Variants in ESR1 observed in about 807,000 individuals in gnomAD.
The protein encoded by ESR1 is estrogen receptor 1.
ESR1 carries 12 observed loss-of-function variants against 52.7 expected under a neutral mutation model. That is an observed-to-expected ratio of 0.23 (90% CI 0.15 to 0.37). The LOEUF is 0.37. Ranked by LOEUF, ESR1 falls within the 10% of genes least tolerant of loss-of-function variation. The pLI is 1.00. For missense variants in ESR1, 584 were observed against 779.7 expected (o/e 0.75, Z 2.99); for synonymous variants, 305 against 316.8 (o/e 0.96, Z 0.39).
intron 2 of ESR1, among the ~76,000 whole-genome samples, chr6:151,746,417 T>C (rs1783487564): frequency 6.6e-6 from 1 of 152,228 alleles, no homozygotes; most frequent in Admixed American, 6.5e-5. Flanking sequence ...AGTGATTGTC[T>C]TAAATGAGTC....
intron 5 of ESR1, among the ~76,000 whole-genome samples, chr6:152,056,104 T>C (rs2047080119): frequency 6.6e-6 from 1 of 152,220 alleles, no homozygotes; most frequent in Non-Finnish European, 1.5e-5. Context: ...ACTTTCATTT[T>C]AAAATTTTCA....
chr6:152,069,859 G>A (rs1022394237), intron 6 of ESR1, among the ~76,000 whole-genome samples: 1 of 137,566 alleles, frequency 7.3e-6, no homozygotes, highest in Non-Finnish European at 1.5e-5. Context: ...GGCAGCTGGG[G>A]ACCTCTGGGC....
In ESR1 at chr6:151,899,294, C is replaced by T. The variant is rs1231011646; in HGVS notation, c.760+18523C>T. Among the ~76,000 whole-genome samples, 40 of 118,488 alleles carry T rather than the reference C, an allele frequency of 3.4e-4. 1 individual carries two copies. Among genetic ancestry groups the T allele is most frequent in the Middle Eastern group, 6.0e-3 (1 of 166 alleles). The allele number at this position is 118,488 out of a possible 152,430, so 77.7% of individuals were successfully genotyped here. A position where few individuals can be genotyped will look rare whatever the true frequency, so the allele number is the denominator to read the frequency against. On this transcript the variant is annotated intron_variant, in intron 3 of 7. Coordinates refer to ENST00000206249, the MANE Select transcript of ESR1 (RefSeq NM_000125.4). ...CTCCCGGACGGGGCGGCTGGCCGGG[C>T]GGGGGGCTGACCCCCCCACCTCCCT...
chr6:151,981,979 G>C (rs558884339), intron 4 of ESR1, among the ~76,000 whole-genome samples: 33 of 152,330 alleles, frequency 2.2e-4, no homozygotes, highest in African/African-American at 7.7e-4. Flanking sequence ...CCTCTACATA[G>C]TGTTAAACTT....
In ESR1 at chr6:151,849,981, TATATA is replaced by T. The variant is rs1786018625; in HGVS notation, c.643+7195_643+7199del. Among the ~76,000 whole-genome samples, 4 of 6,408 alleles carry T rather than the reference TATATA, an allele frequency of 6.2e-4. No homozygotes were observed. The South Asian group carries it at 9.2e-3, about 15-fold the overall frequency. 4.2% of individuals were successfully genotyped at this position (6,408 alleles called of 152,430 possible). On this transcript the variant is annotated intron_variant, in intron 2 of 7. Coordinates refer to ENST00000206249, the MANE Select transcript of ESR1 (RefSeq NM_000125.4). ...TTCCACCTAGTTTCCTAGGGAATTATATATATATATATATATATATATATAATTTT... is the reference window on the plus strand; with the variant it reads ...TTCCACCTAGTTTCCTAGGGAATTATTATATATATATATATATATAATTTT...
In ESR1 at chr6:151,899,137, G is replaced by A. The variant is rs867516325; in HGVS notation, c.760+18366G>A. On this transcript the variant is annotated intron_variant, in intron 3 of 7. Transcript: ENST00000206249. ...GGCCGGGCGGGGGGCTGACCCCCCC[G>A]CCTCCCTCCCGGACGGGGCGGCTGG... Among the ~76,000 whole-genome samples, 677 of 91,736 alleles carry A rather than the reference G, an allele frequency of 7.4e-3. 33 individuals are homozygous for A. In the East Asian group the frequency reaches 0.16, roughly 22 times the overall value. The allele number at this position is 91,736 out of a possible 152,430, so 60.2% of individuals were successfully genotyped here.
chr6:151,661,290 AG>A, intron 1 of ESR1, among the ~76,000 whole-genome samples: 1 of 152,190 alleles, frequency 6.6e-6, no homozygotes, highest in Non-Finnish European at 1.5e-5. Flanking sequence ...AGGAGATGAA[AG>A]TGGGAAGTGG....
intron 3 of ESR1, among the ~76,000 whole-genome samples, chr6:151,912,478 T>G (rs1456266234): frequency 1.3e-5 from 2 of 152,306 alleles, no homozygotes; most frequent in East Asian, 3.9e-4. Flanking sequence ...ATCCATATTG[T>G]TTTATGGAAC....
At chr6:151,811,347 T>C (rs924796951) in intron 1 of ESR1, 1 of 152,194 alleles carries the variant, frequency 6.6e-6, no homozygotes, top group Non-Finnish European at 1.5e-5. Context: ...TCAAACAACT[T>C]AGGAACTTTG....
At chr6:151,962,267 C>G (rs547166398) in intron 4 of ESR1, among the ~76,000 whole-genome samples, 1 of 152,172 alleles carries the variant, frequency 6.6e-6, no homozygotes, top group East Asian at 1.9e-4. Context: ...TTATTCTTAT[C>G]CTGAGGCCCT....
At chr6:152,024,485 C>G (rs557184873) in intron 5 of ESR1, among the ~76,000 whole-genome samples, 1 of 151,570 alleles carries the variant, frequency 6.6e-6, no homozygotes, top group Admixed American at 6.6e-5. Flanking sequence ...ATCTCCATGA[C>G]ATTAAGTCTT....
chr6:151,832,383 T>C (rs1024558840), intron 1 of ESR1, among the ~76,000 whole-genome samples: 3 of 152,246 alleles, frequency 2.0e-5, no homozygotes, highest in Non-Finnish European at 4.4e-5. Flanking sequence ...AACATACATT[T>C]ACTTTTGTGG....
At chr6:152,040,087 A>G (rs1427131907) in intron 5 of ESR1, among the ~76,000 whole-genome samples, 1 of 152,228 alleles carries the variant, frequency 6.6e-6, no homozygotes, top group East Asian at 1.9e-4. Context: ...GAAGAGGTTC[A>G]GTATAATCAA....
intron 5 of ESR1, among the ~76,000 whole-genome samples, chr6:152,023,544 A>C: frequency 6.6e-6 from 1 of 152,350 alleles, no homozygotes; most frequent in South Asian, 2.1e-4. Context: ...TGCCATTCTC[A>C]TACCAAATAA....
At chr6:151,979,101 ACTTTTT>A (rs2039740664) in intron 4 of ESR1, among the ~76,000 whole-genome samples, 1 of 152,100 alleles carries the variant, frequency 6.6e-6, no homozygotes, top group African/African-American at 2.4e-5. Flanking sequence ...TTGTGTCCAA[ACTTTTT>A]CTTCTTTCAA....
At chr6:151,692,550 G>A (rs1779028437) in intron 1 of ESR1, among the ~76,000 whole-genome samples, 1 of 152,168 alleles carries the variant, frequency 6.6e-6, no homozygotes, top group Non-Finnish European at 1.5e-5. Context: ...CTTCATCTAT[G>A]GCAGTGGAGA....
chr6:152,039,463 G>A (rs920051170), intron 5 of ESR1, among the ~76,000 whole-genome samples: 7 of 152,044 alleles, frequency 4.6e-5, no homozygotes, highest in African/African-American at 1.7e-4. Context: ...GGAGGAGCCC[G>A]AGATTGCAAT....
intron 2 of ESR1, among the ~76,000 whole-genome samples, chr6:151,781,731 T>C (rs1326689814): frequency 6.6e-6 from 1 of 152,222 alleles, no homozygotes; most frequent in Non-Finnish European, 1.5e-5. Context: ...TAACATTTTA[T>C]TTAATGAGGC....
chr6:151,903,500 G>T lies in ESR1; in HGVS notation c.760+22729G>T, dbSNP rs574541154. Among the ~76,000 whole-genome samples, 3 of 152,208 alleles carry T rather than the reference G, an allele frequency of 2.0e-5. No homozygotes were observed. In the East Asian group the frequency reaches 5.8e-4, roughly 29 times the overall value. On this transcript the variant is annotated intron_variant, in intron 3 of 7. Transcript: ENST00000206249. ...GCCTCTGCCCTCTACCTCACCTCCA[G>T]TTCTGATCTTGGGCATGCCACAGAA...
Sources: gnomAD v4.1 joint callset for allele counts (sites outside exome capture counted in the v4.1 genomes callset) on GRCh38, gnomAD v4.1.1 for gene constraint, MANE v1.5 for transcripts, NCBI Gene and HGNC (gene_info 2026-07-23, HGNC 2026-07-21) for gene names.